The following NSMCE2 variants were observed in gnomAD, a reference collection of about 807,000 sequenced individuals.
NSMCE2 encodes the protein NSE2 SUMO ligase component of SMC5/6 complex.
A neutral mutation model predicts 23.8 loss-of-function variants in NSMCE2; 24 were observed. That is an observed-to-expected ratio of 1.01 (90% CI 0.73 to 1.42). The LOEUF (loss-of-function observed/expected upper bound fraction) is 1.42. Ranked by LOEUF, NSMCE2 falls within the 40% of genes most tolerant of loss-of-function variation. The pLI is 0.00. For synonymous variants in NSMCE2, 92 were observed against 94.1 expected, an observed-to-expected ratio of 0.98 and a Z score of 0.13; for missense variants, 284 against 296.5, an observed-to-expected ratio of 0.96 and a Z score of 0.31.
At chr8:125,258,063 G>A (rs1459500659) in intron 5 of NSMCE2, among the ~76,000 whole-genome samples, 1 of 152,248 alleles carries the variant, frequency 6.6e-6, no homozygotes, top group African/African-American at 2.4e-5. Flanking sequence ...GATTCATGTA[G>A]TAGCATCTAT....
chr8:125,112,800 G>C (rs1227360967), intron 3 of NSMCE2, among the ~76,000 whole-genome samples: 1 of 152,062 alleles, frequency 6.6e-6, no homozygotes, highest in East Asian at 1.9e-4. Flanking sequence ...ACCATTAGGA[G>C]GAAAGAGTTC....
intron 5 of NSMCE2, among the ~76,000 whole-genome samples, chr8:125,355,173 C>G (rs1230395049): frequency 6.6e-6 from 1 of 152,198 alleles, no homozygotes; most frequent in East Asian, 1.9e-4. Context: ...AAACAAACAC[C>G]TCATCTGGCC....
chr8:125,184,278 T>A (rs1822968189), intron 5 of NSMCE2, among the ~76,000 whole-genome samples: 1 of 152,212 alleles, frequency 6.6e-6, no homozygotes, highest in Non-Finnish European at 1.5e-5. Flanking sequence ...ATCATACTCA[T>A]GGAGAAACAC....
At chr8:125,125,342 G>T (rs1819463932) in intron 3 of NSMCE2, among the ~76,000 whole-genome samples, 2 of 152,176 alleles carry the variant, frequency 1.3e-5, no homozygotes, top group Admixed American at 1.3e-4. Flanking sequence ...GCCCTTTATT[G>T]AGAAAGCTTC....
At chr8:125,161,328 C>G (rs980477714) in intron 4 of NSMCE2, among the ~76,000 whole-genome samples, 1 of 152,030 alleles carries the variant, frequency 6.6e-6, no homozygotes, top group African/African-American at 2.4e-5. Flanking sequence ...TAATACAGCA[C>G]TCTTTAGTGA....
At chr8:125,237,518 C>T (rs1258417109) in intron 5 of NSMCE2, among the ~76,000 whole-genome samples, 2 of 152,212 alleles carry the variant, frequency 1.3e-5, no homozygotes, top group Non-Finnish European at 2.9e-5. Flanking sequence ...ACATAATTAA[C>T]TCCACTTGCT....
At chr8:125,284,719 T>C (rs1189366943) in intron 5 of NSMCE2, among the ~76,000 whole-genome samples, 1 of 152,230 alleles carries the variant, frequency 6.6e-6, no homozygotes, top group Non-Finnish European at 1.5e-5. Flanking sequence ...CTTTATTGGA[T>C]CACTATTCTG....
intron 7 of NSMCE2, among the ~76,000 whole-genome samples, chr8:125,358,039 A>G (rs1299634154): frequency 6.6e-6 from 1 of 152,224 alleles, no homozygotes; most frequent in Non-Finnish European, 1.5e-5. Flanking sequence ...CCACACCTTC[A>G]AAACAGAATA....
chr8:125,102,346 A>G lies in NSMCE2; in HGVS notation c.16A>G (p.Ser6Gly). The change falls in exon 3 of 8, where the codon AGT (serine) becomes GGT (glycine). Residue 6 changes from serine (S) to glycine (G), a missense_variant. Around this residue, in one of 2 missense-constraint regions of NSMCE2, gnomAD observed 182 missense variants for 155.5 expected, o/e 1.17. Transcript: ENST00000287437. ...TAATTTCAAGATGCCAGGACGTTCCAGTTCAAATTCAGGTTCAACTGGTTT... is the reference window on the plus strand; with the variant it reads ...TAATTTCAAGATGCCAGGACGTTCCGGTTCAAATTCAGGTTCAACTGGTTT... MPGRSSSNSGSTGFIS... is the reference protein window; with the variant it reads MPGRSGSNSGSTGFIS... 6.2e-7 allele frequency: 1 copy of G among 1,613,798 alleles called. No individual in the cohort carries two copies. The highest frequency in any genetic ancestry group is 8.5e-7 in the Non-Finnish European group (1 of 1,179,764).
intron 3 of NSMCE2, among the ~76,000 whole-genome samples, chr8:125,107,580 G>C (rs1048975685): frequency 6.6e-6 from 1 of 152,150 alleles, no homozygotes; most frequent in Non-Finnish European, 1.5e-5. Context: ...GAGTGCAACA[G>C]TTTGGTGCCA....
rs188242008 is a variant in NSMCE2, at chr8:125,130,950, C to A, written c.158-20221C>A. 1.6e-4 allele frequency among the ~76,000 whole-genome samples: 25 copies of A among 152,308 alleles called. No homozygotes were observed. The East Asian group carries it at 4.6e-3, about 28-fold the overall frequency. On this transcript the variant is annotated intron_variant, in intron 3 of 7. Transcript: ENST00000287437. ...TATTAGCCTGTGCTTCTGTGACAAA[C>A]AAGTTCATCAGCTAGCTTAGGGTTT...
intron 5 of NSMCE2, among the ~76,000 whole-genome samples, chr8:125,346,209 A>G (rs1830432154): frequency 6.6e-6 from 1 of 152,232 alleles, no homozygotes; most frequent in Non-Finnish European, 1.5e-5. Flanking sequence ...TGGAATAGAA[A>G]GAATAGACTG....
At chr8:125,322,981 C>G (rs1031260832) in intron 5 of NSMCE2, among the ~76,000 whole-genome samples, 2 of 152,180 alleles carry the variant, frequency 1.3e-5, no homozygotes, top group Non-Finnish European at 2.9e-5. Flanking sequence ...ATCGCTTGAA[C>G]CCAGGTTTCG....
intron 5 of NSMCE2, among the ~76,000 whole-genome samples, chr8:125,273,975 G>T (rs1223893139): frequency 2.6e-5 from 4 of 152,180 alleles, no homozygotes; most frequent in Non-Finnish European, 5.9e-5. Context: ...TGCCTCCTCT[G>T]CCCTGCTCAG....
At chr8:125,314,760 T>C (rs1829111070) in intron 5 of NSMCE2, among the ~76,000 whole-genome samples, 1 of 152,224 alleles carries the variant, frequency 6.6e-6, no homozygotes. Context: ...TCATTCAATC[T>C]CTTTTCATTC....
At chr8:125,182,078 C>T (rs751584934) in intron 4 of NSMCE2, 25 bp from the exon 5 acceptor site, 1 of 1,522,392 alleles carries the variant, frequency 6.6e-7, no homozygotes, top group Non-Finnish European at 8.9e-7. Context: ...ACATTTAACT[C>T]AGGTAATTTT....
chr8:125,322,159 G>T (rs1284557902), intron 5 of NSMCE2, among the ~76,000 whole-genome samples: 1 of 152,118 alleles, frequency 6.6e-6, no homozygotes, highest in African/African-American at 2.4e-5. Context: ...TTGAGCCCAG[G>T]AGTTTGAGAC....
At chr8:125,150,658 A>G (rs1820960664) in intron 3 of NSMCE2, among the ~76,000 whole-genome samples, 1 of 152,074 alleles carries the variant, frequency 6.6e-6, no homozygotes, top group South Asian at 2.1e-4. Flanking sequence ...CTAGGATTAC[A>G]GACGTTAGTC....
chr8:125,092,903 G>C (rs1018269255), intron 1 of NSMCE2, among the ~76,000 whole-genome samples: 3 of 152,220 alleles, frequency 2.0e-5, no homozygotes, highest in African/African-American at 2.4e-5. Flanking sequence ...TGTGGGGTCA[G>C]GGTGAGGGCT....
Sources: gnomAD v4.1 joint callset for allele counts (sites outside exome capture counted in the v4.1 genomes callset) on GRCh38, gnomAD v4.1.1 for gene constraint, gnomAD v4.1.1 regional missense constraint, MANE v1.5 for transcripts, NCBI Gene and HGNC (gene_info 2026-07-23, HGNC 2026-07-21) for gene names.